Variants in SGCD observed in about 807,000 individuals in gnomAD.
SGCD encodes the protein delta-sarcoglycan.
In SGCD, 18 loss-of-function variants were observed where a neutral mutation model predicts 36.6. The observed-to-expected ratio is 0.49, with a 90% CI of 0.34 to 0.73. The LOEUF is 0.73. Among genes scored for constraint, SGCD ranks in the 30% least tolerant of loss-of-function variants. SGCD has a pLI of 0.01. For synonymous variants in SGCD, 133 were observed against 130.6 expected, an observed-to-expected ratio of 1.02 and a Z score of -0.12; for missense variants, 387 against 346.7, an observed-to-expected ratio of 1.12 and a Z score of -0.92.
the SGCD span, among the ~76,000 whole-genome samples, chr5:155,840,305 G>A: frequency 8.7e-5 from 13 of 149,902 alleles, no homozygotes; most frequent in Non-Finnish European, 1.5e-4. Flanking sequence ...GTGCAGTGGC[G>A]TGATCTCGGC....
intron 3 of SGCD, among the ~76,000 whole-genome samples, chr5:156,305,097 TG>T (rs1434014554): frequency 3.9e-5 from 6 of 152,180 alleles, no homozygotes. Context: ...TCCCATTTCT[TG>T]AGGAGACATT....
At chr5:156,465,294 T>C (rs1012304058) in intron 3 of SGCD, among the ~76,000 whole-genome samples, 2 of 152,150 alleles carry the variant, frequency 1.3e-5, no homozygotes, top group African/African-American at 4.8e-5. Flanking sequence ...CAGATTAAAA[T>C]TCTGTAGGTC....
intron 3 of SGCD, among the ~76,000 whole-genome samples, chr5:156,281,029 T>G (rs2127673222): frequency 6.6e-6 from 1 of 152,296 alleles, no homozygotes; most frequent in South Asian, 2.1e-4. Context: ...AACTTACATC[T>G]ATACAACATT....
rs573473750 is a variant in SGCD at position 156,047,959 on chromosome 5, C to T, written c.-281-69919C>T. On this transcript the variant is annotated intron_variant, in intron 1 of 9. Coordinates refer to the SGCD transcript ENST00000517913. ...TTAGCATTAGGTATATCTCCTAATG[C>T]TATCCTTCCCCCATCCCCTCACCCC... is the stretch of plus-strand genomic sequence containing the variant. Among the ~76,000 whole-genome samples the T allele has an allele frequency of 5.9e-4, 90 of 152,222 alleles. 1 individual carries two copies. The highest frequency in any genetic ancestry group is 2.1e-3 in the African/African-American group (87 of 41,542).
At chr5:155,890,516 G>A (rs1214106302) in intron 1 of SGCD, among the ~76,000 whole-genome samples, 2 of 152,092 alleles carry the variant, frequency 1.3e-5, no homozygotes, top group Non-Finnish European at 2.9e-5. Context: ...GGCTGAAGGG[G>A]AGGATTGCAT....
chr5:156,107,449 T>A (rs1581102978), intron 1 of SGCD, among the ~76,000 whole-genome samples: 1 of 152,192 alleles, frequency 6.6e-6, no homozygotes, highest in African/African-American at 2.4e-5. Flanking sequence ...AGATCTTTCT[T>A]CATTTATAAT....
intron 3 of SGCD, among the ~76,000 whole-genome samples, chr5:156,499,998 C>G (rs896319266): frequency 1.3e-5 from 2 of 152,068 alleles, no homozygotes; most frequent in Non-Finnish European, 2.9e-5. Context: ...TATTTGTCAC[C>G]CCATGAAATG....
chr5:156,429,603 T>G (rs1773840482), intron 3 of SGCD, among the ~76,000 whole-genome samples: 1 of 151,988 alleles, frequency 6.6e-6, no homozygotes, highest in Non-Finnish European at 1.5e-5. Flanking sequence ...TGTGTTTTGT[T>G]TTAGAGACCA....
intron 4 of SGCD, among the ~76,000 whole-genome samples, chr5:156,531,092 A>G (rs914911629): frequency 6.6e-6 from 1 of 152,202 alleles, no homozygotes; most frequent in African/African-American, 2.4e-5. Flanking sequence ...CTCCTCCCTC[A>G]TGAATGGGAT....
At chr5:155,984,555 C>T (rs781702345) in intron 1 of SGCD, among the ~76,000 whole-genome samples, 1 of 152,192 alleles carries the variant, frequency 6.6e-6, no homozygotes, top group African/African-American at 2.4e-5. Flanking sequence ...GTTAGAACAG[C>T]TCACAAAGAC....
chr5:156,143,665 G>A lies in SGCD; in HGVS notation c.-44+19646G>A, dbSNP rs923258546. Among the ~76,000 whole-genome samples the A allele has an allele frequency of 4.6e-5, 7 of 152,200 alleles. No homozygotes were observed. The East Asian group carries it at 1.3e-3, about 29-fold the overall frequency. On this transcript the variant is annotated intron_variant, in intron 3 of 9. Coordinates refer to the SGCD transcript ENST00000517913. ...ACAGAAGATTATTTTGGAGGTTTAA[G>A]TTTTGATGACTGCCCTGCTGGGTTT...
At chr5:156,194,401 A>G (rs1444911555) in intron 3 of SGCD, among the ~76,000 whole-genome samples, 1 of 152,124 alleles carries the variant, frequency 6.6e-6, no homozygotes, top group Non-Finnish European at 1.5e-5. Flanking sequence ...AGAAAAAAGA[A>G]AGGAAAAAAT....
intron 1 of SGCD, among the ~76,000 whole-genome samples, chr5:156,090,220 G>A (rs942982489): frequency 3.9e-5 from 6 of 152,174 alleles, no homozygotes; most frequent in African/African-American, 1.4e-4. Context: ...CCTGATGTTA[G>A]GAGCTCTCTC....
At chr5:155,874,280 CAT>C (rs1197192452) in intron 1 of SGCD, among the ~76,000 whole-genome samples, 4 of 151,974 alleles carry the variant, frequency 2.6e-5, no homozygotes, top group African/African-American at 7.3e-5. Flanking sequence ...TGAGTACAGA[CAT>C]GTATTAAAAA....
At chr5:156,667,557 C>T (rs1342690307) in intron 7 of SGCD, among the ~76,000 whole-genome samples, 1 of 152,154 alleles carries the variant, frequency 6.6e-6, no homozygotes, top group Non-Finnish European at 1.5e-5. Context: ...AAAACTATAG[C>T]GGACCAAATA....
chr5:156,557,508 G>A (rs886903898), intron 4 of SGCD, among the ~76,000 whole-genome samples: 2 of 152,118 alleles, frequency 1.3e-5, no homozygotes, highest in African/African-American at 4.8e-5. Context: ...CCTGTGACCT[G>A]TTAATATAAG....
chr5:155,772,867 A>G, the SGCD span, among the ~76,000 whole-genome samples: 1 of 152,082 alleles, frequency 6.6e-6, no homozygotes, highest in Non-Finnish European at 1.5e-5. Flanking sequence ...CTCTTTCACC[A>G]GACACTTCCG....
At chr5:155,891,678 G>A (rs1326195085) in intron 1 of SGCD, among the ~76,000 whole-genome samples, 4 of 146,928 alleles carry the variant, frequency 2.7e-5, no homozygotes, top group Admixed American at 7.1e-5. Flanking sequence ...TGGCCTGCAT[G>A]CACCATGTCT....
At chr5:156,144,256 A>G (rs1327749278) in intron 3 of SGCD, among the ~76,000 whole-genome samples, 2 of 152,044 alleles carry the variant, frequency 1.3e-5, no homozygotes, top group African/African-American at 2.4e-5. Flanking sequence ...TATACCCAGT[A>G]ATGGGATGGC....
Sources: gnomAD v4.1 joint callset for allele counts (sites outside exome capture counted in the v4.1 genomes callset) on GRCh38, gnomAD v4.1.1 for gene constraint, MANE v1.5 for transcripts, NCBI Gene and HGNC (gene_info 2026-07-23, HGNC 2026-07-21) for gene names.